FAM117A: variants seen among roughly 807,000 people sequenced by gnomAD.
FAM117A encodes family with sequence similarity 117 member A, also known as protein FAM117A.
In FAM117A, 21 loss-of-function variants were observed where a neutral mutation model predicts 44.1. The ratio of observed to expected loss-of-function variants is 0.48; its 90% CI spans 0.34 to 0.69. The LOEUF is 0.69. Among genes scored for constraint, FAM117A ranks in the 30% least tolerant of loss-of-function variants. The pLI is 0.01. For missense variants in FAM117A, 498 were observed against 589.9 expected (o/e 0.84, Z 1.61); for synonymous variants, 220 against 238.3 (o/e 0.92, Z 0.71).
intron 1 of FAM117A, among the ~76,000 whole-genome samples, chr17:49,778,083 C>T (rs2073779880): frequency 6.6e-6 from 1 of 152,340 alleles, no homozygotes; most frequent in Non-Finnish European, 1.5e-5. Flanking sequence ...CCTTGAATAG[C>T]CCTAATGTCC....
At chr17:49,742,194 TTAC>T (rs1395558134) in intron 1 of FAM117A, among the ~76,000 whole-genome samples, 3 of 152,194 alleles carry the variant, frequency 2.0e-5, no homozygotes, top group Non-Finnish European at 2.9e-5. Flanking sequence ...TCTCAATTAA[TTAC>T]TGACTCCATA....
At chr17:49,768,939 C>G (rs2073753018), upstream of FAM117A, among the ~76,000 whole-genome samples, 1 of 152,212 alleles carries the variant, frequency 6.6e-6, no homozygotes, top group Admixed American at 6.5e-5. Flanking sequence ...ACATTCACCC[C>G]TTCAGTCTCC....
At chr17:49,714,037 G>A (rs1260790554) in intron 7 of FAM117A, among the ~76,000 whole-genome samples, 2 of 152,148 alleles carry the variant, frequency 1.3e-5, no homozygotes, top group African/African-American at 4.8e-5. Context: ...GAATGGGCAA[G>A]AGAGAGAACG....
intron 2 of FAM117A, chr17:49,724,424 C>A: frequency 2.2e-6 from 1 of 456,322 alleles, no homozygotes; most frequent in South Asian, 1.5e-5. Context: ...GAAAAAACAG[C>A]CACATTCAGG....
At chr17:49,732,136 T>G (rs910556041) in intron 2 of FAM117A, 1 of 163,634 alleles carries the variant, frequency 6.1e-6, no homozygotes, top group Non-Finnish European at 1.4e-5. Context: ...CAGCTGTTGA[T>G]TACCCCGACA....
At chr17:49,773,715 A>G (rs1354090891) in intron 1 of FAM117A, among the ~76,000 whole-genome samples, 1 of 151,008 alleles carries the variant, frequency 6.6e-6, no homozygotes, top group Admixed American at 6.6e-5. Flanking sequence ...TTAGGTGTTC[A>G]GTTTGTAGCC....
chr17:49,750,640 G>A (rs917031886), intron 1 of FAM117A, among the ~76,000 whole-genome samples: 1 of 152,102 alleles, frequency 6.6e-6, no homozygotes, highest in Admixed American at 6.5e-5. Flanking sequence ...AGCCCGGCAT[G>A]GTGGCAGGCA....
At position 49,719,838 on chromosome 17, in the gene FAM117A, C is replaced by T; in HGVS notation, c.630G>A (p.Leu210=). The change falls in exon 5 of 8, where the codon CTG becomes CTA. Residue 210 remains leucine (L), a synonymous_variant. Transcript: ENST00000240364. The part of the protein sequence containing the change: ...GSPVLRLSPC[L]HRSLEGLNQE... ...GGTTGAGCCCTTCCAGGCTCCTGTGCAGGCAGGGGCTGAGTCGCAAGACAG... is the reference window on the plus strand; with the variant it reads ...GGTTGAGCCCTTCCAGGCTCCTGTGTAGGCAGGGGCTGAGTCGCAAGACAG... 1 of 1,607,854 alleles carries T rather than the reference C, an allele frequency of 6.2e-7. No homozygotes were observed.
In FAM117A at chr17:49,752,647, C is replaced by T. The variant is rs191262183; in HGVS notation, c.196+11245G>A. On this transcript the variant is annotated intron_variant, in intron 1 of 7. Transcript: ENST00000240364. ...GAAAAATCTGGTCTGCCTCCTATGT[C>T]CTATCTGTCCCTGGTTAGCCACTCA... is the stretch of plus-strand genomic sequence containing the variant. 1.2e-3 allele frequency among the ~76,000 whole-genome samples: 183 copies of T among 152,286 alleles called. 1 individual carries two copies. The highest frequency in any genetic ancestry group is 2.0e-3 in the Non-Finnish European group (139 of 68,032).
At position 49,721,986 on chromosome 17, in the gene FAM117A, C is replaced by T. The variant is rs148066404; in HGVS notation, c.462+513G>A. 3.9e-5 allele frequency among the ~76,000 whole-genome samples: 6 copies of T among 152,076 alleles called. No homozygotes were observed. In the East Asian group the frequency reaches 1.2e-3, roughly 29 times the overall value. On this transcript the variant is annotated intron_variant, in intron 3 of 7. Transcript: ENST00000240364. ...TGGTGGTGGGTGCCTGTAATCTAAG[C>T]TACTTAGGAGGCTGAGGCAGGAGAA... is the stretch of plus-strand genomic sequence containing the variant.
intron 1 of FAM117A, among the ~76,000 whole-genome samples, chr17:49,769,647 G>C (rs554163388): frequency 1.6e-4 from 24 of 152,046 alleles, no homozygotes; most frequent in Non-Finnish European, 2.5e-4. Flanking sequence ...AGAGCTTGCA[G>C]TGAGCTGAGA....
At chr17:49,776,239 AT>A (rs1334099344) in intron 1 of FAM117A, among the ~76,000 whole-genome samples, 1 of 152,184 alleles carries the variant, frequency 6.6e-6, no homozygotes, top group African/African-American at 2.4e-5. Context: ...TGGTATAATC[AT>A]CCCCATTTCA....
intron 1 of FAM117A, among the ~76,000 whole-genome samples, chr17:49,751,903 C>T (rs2143770139): frequency 7.0e-6 from 1 of 142,086 alleles, no homozygotes; most frequent in East Asian, 2.1e-4. Context: ...AAGATTGCAC[C>T]ACTGCACTCC....
chr17:49,714,459 T>C (rs1400470985), intron 7 of FAM117A, among the ~76,000 whole-genome samples: 1 of 151,668 alleles, frequency 6.6e-6, no homozygotes, highest in Admixed American at 6.6e-5. Context: ...TGCCTCAGCC[T>C]CCTGAGGAGC....
rs749135085 is a variant in FAM117A at position 49,722,466 on chromosome 17, TACCCTAGGC to T, written c.462+24_462+32del. ...TACTAGGGGATCGAGAAGAAGCCGC[TACCCTAGGC>T]AGGGAGTCAAAGTGGGTAGCTACCT... is the stretch of plus-strand genomic sequence containing the variant. On this transcript the variant is annotated intron_variant, in intron 3 of 7. Coordinates refer to ENST00000240364, the MANE Select transcript of FAM117A (RefSeq NM_030802.4). The T allele has an allele frequency of 4.8e-5, 76 of 1,581,468 alleles. No homozygotes were observed. The South Asian group carries it at 7.9e-4, about 16-fold the overall frequency.
intron 1 of FAM117A, among the ~76,000 whole-genome samples, chr17:49,742,182 G>C (rs964332124): frequency 6.6e-6 from 1 of 152,098 alleles, no homozygotes; most frequent in Non-Finnish European, 1.5e-5. Flanking sequence ...TCTCAGCCAG[G>C]CTCTCAATTA....
chr17:49,751,600 T>TAAAC (rs1218845484), intron 1 of FAM117A, among the ~76,000 whole-genome samples: 2 of 148,572 alleles, frequency 1.3e-5, no homozygotes, highest in African/African-American at 2.5e-5. Context: ...AATAAATAAA[T>TAAAC]AAACAAACAA....
chr17:49,789,063 C>T (rs551298235), upstream of FAM117A: 1 of 421,334 alleles, frequency 2.4e-6, no homozygotes, highest in South Asian at 8.0e-5. Context: ...CTCTGCTTGC[C>T]TGGATCGGAG....
rs1399498324 is a variant in FAM117A, at chr17:49,716,312, G to A, written c.914C>T (p.Ser305Phe). 1.3e-6 allele frequency: 2 copies of A among 1,587,510 alleles called. No individual in the cohort carries two copies. The highest frequency in any genetic ancestry group is 1.7e-5 in the Admixed American group (1 of 57,762). The change falls in exon 7 of 8, where the codon TCC (serine) becomes TTC (phenylalanine). Residue 305 changes from serine (S) to phenylalanine (F), a missense_variant. Ser to Phe is a radical substitution (Grantham distance 155, BLOSUM62 -2). This residue lies in a region of FAM117A where 224 missense variants were observed against 296.5 expected (regional missense o/e 0.76). Coordinates refer to ENST00000240364, the MANE Select transcript of FAM117A (RefSeq NM_030802.4). ...ELASTPNDKASSPGHPAFLED... is the reference protein window; with the variant it reads ...ELASTPNDKAFSPGHPAFLED... Reference sequence around the variant, plus strand: ...AAGAAAGGCTGGGTGTCCTGGAGAGGAGGCTGTGAACAGAGCAAGGCTAAG... The same window carrying A: ...AAGAAAGGCTGGGTGTCCTGGAGAGAAGGCTGTGAACAGAGCAAGGCTAAG...
Sources: allele counts gnomAD v4.1 joint callset (sites outside exome capture counted in the v4.1 genomes callset), GRCh38; gene constraint gnomAD v4.1.1; regional missense constraint gnomAD v4.1.1; transcripts MANE v1.5; gene names NCBI Gene and HGNC (gene_info 2026-07-23, HGNC 2026-07-21).